Variants in SCP2 observed in about 807,000 individuals in gnomAD.
The protein encoded by SCP2 is sterol carrier protein 2.
Under a neutral mutation model 71.4 loss-of-function variants are expected in SCP2, and 48 were observed. The observed-to-expected ratio is 0.67, with a 90% CI of 0.53 to 0.86. The LOEUF (loss-of-function observed/expected upper bound fraction) is 0.86, where lower values mean the gene tolerates loss of function less well. Among genes scored for constraint, SCP2 ranks in the 40% least tolerant of loss-of-function variants. The pLI is 0.00. For missense variants in SCP2, 560 were observed against 655.6 expected (o/e 0.85, Z 1.59); for synonymous variants, 220 against 218.1 (o/e 1.01, Z -0.08).
At chr1:52,959,830 G>T (rs933132441) in intron 5 of SCP2, among the ~76,000 whole-genome samples, 5 of 151,630 alleles carry the variant, frequency 3.3e-5, no homozygotes, top group African/African-American at 1.2e-4. Context: ...TCTTTTGTCA[G>T]GGTGATCATG....
chr1:52,961,710 C>T, intron 6 of SCP2, 81 bp downstream of exon 6: 1 of 1,246,762 alleles, frequency 8.0e-7, no homozygotes. Flanking sequence ...TATTAAGGAA[C>T]TGTGGAGGAT....
intron 12 of SCP2, among the ~76,000 whole-genome samples, chr1:53,020,956 G>C (rs1479915210): frequency 6.6e-6 from 1 of 152,080 alleles, no homozygotes; most frequent in Non-Finnish European, 1.5e-5. Flanking sequence ...AGGGATGAAG[G>C]TTTGATTACA....
intron 10 of SCP2, among the ~76,000 whole-genome samples, chr1:52,986,095 T>A (rs1658961648): frequency 6.6e-6 from 1 of 152,228 alleles, no homozygotes; most frequent in Non-Finnish European, 1.5e-5. Flanking sequence ...GTTTAGTTTT[T>A]GGTACAGAAC....
chr1:52,930,709 A>G (rs1653072685), intron 1 of SCP2, among the ~76,000 whole-genome samples: 1 of 152,196 alleles, frequency 6.6e-6, no homozygotes, highest in Non-Finnish European at 1.5e-5. Context: ...AAAATATTAC[A>G]TTATTTAATT....
intron 14 of SCP2, among the ~76,000 whole-genome samples, chr1:53,043,525 G>A (rs1290259391): frequency 6.6e-6 from 1 of 152,230 alleles, no homozygotes; most frequent in Non-Finnish European, 1.5e-5. Context: ...TTGGGAGTAT[G>A]AGCTTTGGCA....
chr1:52,933,816 T>C (rs924684803), intron 1 of SCP2, among the ~76,000 whole-genome samples: 1 of 152,252 alleles, frequency 6.6e-6, no homozygotes, highest in African/African-American at 2.4e-5. Context: ...CTATTCATAA[T>C]AATACTAAGA....
rs1658174649 is a variant in SCP2 at position 52,978,356 on chromosome 1, A to G, written c.814A>G (p.Ile272Val). ...GCCAAGCTCGTTTGAAGAAAAAAGC[A>G]TTATTAAAATGGTATGTCTGAGATT... ...DLPSSFEEKSIIKMVGFDMSK... is the reference protein window; with the variant it reads ...DLPSSFEEKSVIKMVGFDMSK... Residue 272 changes from isoleucine (I) to valine (V), a missense_variant, in exon 9 of 16, where the codon ATT becomes GTT. Ile to Val is a conservative substitution (Grantham distance 29). This residue lies in a region of SCP2 where 513 missense variants were observed against 573.1 expected (regional missense o/e 0.90). Coordinates refer to ENST00000371514, the MANE Select transcript of SCP2 (RefSeq NM_002979.5). The G allele has an allele frequency of 1.2e-6, 2 of 1,613,486 alleles. No homozygotes were observed. Among genetic ancestry groups the G allele is most frequent in the Non-Finnish European group, 8.5e-7 (1 of 1,179,404 alleles).
intron 11 of SCP2, among the ~76,000 whole-genome samples, chr1:53,008,485 T>C (rs6661057): frequency 0.14 from 21,825 of 152,132 alleles, 2,280 homozygotes; most frequent in East Asian, 0.32. Flanking sequence ...ATATGCAAAT[T>C]AATAAATGTA....
chr1:52,984,908 C>T (rs750506123), intron 10 of SCP2, among the ~76,000 whole-genome samples: 35 of 149,986 alleles, frequency 2.3e-4, no homozygotes, highest in South Asian at 8.5e-4. Flanking sequence ...GGTGAGATCT[C>T]AGCTCACTGC....
At chr1:52,997,511 G>A (rs896262477) in intron 11 of SCP2, among the ~76,000 whole-genome samples, 19 of 152,142 alleles carry the variant, frequency 1.2e-4, no homozygotes, top group African/African-American at 3.1e-4. Flanking sequence ...ATGAGGTACC[G>A]AAATATGCTA....
In SCP2 at chr1:52,980,503, C is replaced by T. The variant is rs368088577; in HGVS notation, c.933C>T (p.Asn311=). ...AACTTCACGATTGCTTTTCTACCAA[C>T]GAACTCCTTACTTATGAAGCACTGG... ...VIELHDCFST[N]ELLTYEALGL... The change falls in exon 10 of 16, where the codon AAC becomes AAT. Residue 311 remains asparagine, a synonymous_variant. Coordinates refer to ENST00000371514, the MANE Select transcript of SCP2 (RefSeq NM_002979.5). 46 of 1,613,960 alleles carry T rather than the reference C, an allele frequency of 2.9e-5. No homozygotes were observed. Among genetic ancestry groups the T allele is most frequent in the South Asian group, 2.5e-4 (23 of 91,080 alleles).
intron 1 of SCP2, among the ~76,000 whole-genome samples, chr1:52,939,343 C>T (rs375237306): frequency 1.3e-5 from 2 of 151,908 alleles, no homozygotes; most frequent in African/African-American, 4.8e-5. Context: ...CCCCGGAGTT[C>T]GAGATCAGCC....
chr1:52,994,919 TG>T, intron 11 of SCP2: 1 of 522,408 alleles, frequency 1.9e-6, no homozygotes, highest in Non-Finnish European at 3.8e-6. Context: ...TGTGCTAACC[TG>T]GTGGATCTAG....
At chr1:52,994,884 A>C (rs1417988484) in intron 11 of SCP2, 1 of 511,670 alleles carries the variant, frequency 2.0e-6, no homozygotes, top group Admixed American at 2.3e-5. Flanking sequence ...ACTACAGTGA[A>C]GCCATAGATG....
chr1:52,981,146 C>T (rs899192605), intron 10 of SCP2, among the ~76,000 whole-genome samples: 56 of 152,116 alleles, frequency 3.7e-4, no homozygotes, highest in African/African-American at 1.3e-3. Flanking sequence ...TGGCCAGGCT[C>T]ATCTCAAACT....
chr1:52,940,415 AAAAC>A lies in SCP2; in HGVS notation c.70-1369_70-1366del, dbSNP rs375467101. On this transcript the variant is annotated intron_variant, in intron 1 of 15. Transcript: ENST00000371514. The stretch of plus-strand genomic sequence containing the variant: ...GTGACAGAGCAAGACCTTGTCTCAA[AAAAC>A]AAACAAACAAAAACACTGTCTTCAG... The A allele has an allele frequency of 6.4e-3, 992 of 154,974 alleles. 14 individuals carry two copies. Among genetic ancestry groups the A allele is most frequent in the African/African-American group, 0.023 (951 of 41,632 alleles). 9.6% of individuals were successfully genotyped at this position (154,974 alleles called of 1,614,324 possible). A position where few individuals can be genotyped will look rare whatever the true frequency, so the allele number is the denominator to read the frequency against.
intron 11 of SCP2, chr1:52,994,428 C>T (rs1185873074): frequency 6.8e-6 from 2 of 292,232 alleles, no homozygotes; most frequent in Non-Finnish European, 1.0e-5. Flanking sequence ...GCTTGATTGC[C>T]ATTATTAGAT....
Position 53,014,335 on chromosome 1 carries a change from T to A in SCP2, c.1082-555T>A, listed in dbSNP as rs530698583. On this transcript the variant is annotated intron_variant, in intron 11 of 15. Coordinates refer to ENST00000371514, the MANE Select transcript of SCP2 (RefSeq NM_002979.5). ...GCCTGCTTTGTAACCATTCACAGAT[T>A]AACCTTTCTGTTTCTCAGTGTTTAC... Among the ~76,000 whole-genome samples, 106 of 152,320 alleles carry A rather than the reference T, an allele frequency of 7.0e-4. 1 individual carries two copies. Among genetic ancestry groups the A allele is most frequent in the African/African-American group, 2.4e-3 (99 of 41,570 alleles).
At chr1:52,984,550 T>C (rs1192905193) in intron 10 of SCP2, among the ~76,000 whole-genome samples, 9 of 151,888 alleles carry the variant, frequency 5.9e-5, no homozygotes, top group African/African-American at 1.9e-4. Flanking sequence ...TTTTTTTTTT[T>C]CTTTGAGATG....
Sources: gnomAD v4.1 joint callset for allele counts (sites outside exome capture counted in the v4.1 genomes callset) on GRCh38, gnomAD v4.1.1 for gene constraint, gnomAD v4.1.1 regional missense constraint, MANE v1.5 for transcripts, NCBI Gene and HGNC (gene_info 2026-07-23, HGNC 2026-07-21) for gene names.